PTPRD: variants seen among roughly 807,000 people sequenced by gnomAD.
PTPRD encodes receptor-type tyrosine-protein phosphatase delta.
In PTPRD, 34 loss-of-function variants were observed where a neutral mutation model predicts 214.5. That is an observed-to-expected ratio of 0.16 (90% CI 0.12 to 0.21). The LOEUF (loss-of-function observed/expected upper bound fraction) is 0.21, where lower values mean the gene tolerates loss of function less well. Among genes scored for constraint, PTPRD ranks in the 10% least tolerant of loss-of-function variants. The pLI, the probability that PTPRD is intolerant of heterozygous loss-of-function variation, is 1.00. For synonymous variants in PTPRD, 1,128 were observed against 845.7 expected, an observed-to-expected ratio of 1.33 and a Z score of -5.79; for missense variants, 2,545 against 2,398.7, an observed-to-expected ratio of 1.06 and a Z score of -1.27.
chr9:8,321,461 TTGTG>T (rs4008233), intron 44 of PTPRD, among the ~76,000 whole-genome samples: 868 of 86,056 alleles, frequency 0.01, 11 homozygotes, highest in African/African-American at 0.023. Flanking sequence ...GAAGTCTTCT[TTGTG>T]TGTGTGTGTG....
At chr9:10,202,671 G>GATATATATATATATAT (rs77962535) in intron 3 of PTPRD, among the ~76,000 whole-genome samples, 3,251 of 112,694 alleles carry the variant, frequency 0.029, 119 homozygotes, top group Non-Finnish European at 0.04. Flanking sequence ...AAATTATATG[G>GATATATATATATATAT]ATATATATAT....
chr9:8,967,840 T>C (rs1163940325), intron 11 of PTPRD, among the ~76,000 whole-genome samples: 1 of 152,042 alleles, frequency 6.6e-6, no homozygotes, highest in African/African-American at 2.4e-5. Flanking sequence ...GCCATGTTGG[T>C]GTGCTGCATC....
chr9:8,635,351 T>G (rs2154324532), intron 13 of PTPRD, among the ~76,000 whole-genome samples: 1 of 151,904 alleles, frequency 6.6e-6, no homozygotes, highest in Non-Finnish European at 1.5e-5. Flanking sequence ...TTTAAATTTT[T>G]TTAATGTGCA....
At chr9:8,460,624 G>C (rs2134167702) in intron 32 of PTPRD, 53 bp from the exon 33 acceptor site, 1 of 1,566,008 alleles carries the variant, frequency 6.4e-7, no homozygotes, top group Non-Finnish European at 8.7e-7. Flanking sequence ...TTCTAGATAA[G>C]TACCTTTAAC....
intron 8 of PTPRD, among the ~76,000 whole-genome samples, chr9:9,567,956 T>G (rs2154297831): frequency 6.6e-6 from 1 of 151,986 alleles, no homozygotes; most frequent in South Asian, 2.1e-4. Flanking sequence ...CCCCTTTTTT[T>G]TTCTACTGGG....
chr9:10,053,293 G>C (rs2097566330), intron 3 of PTPRD, among the ~76,000 whole-genome samples: 1 of 152,126 alleles, frequency 6.6e-6, no homozygotes, highest in South Asian at 2.1e-4. Context: ...AAAACACAAA[G>C]AAGCCCAATG....
intron 2 of PTPRD, among the ~76,000 whole-genome samples, chr9:10,459,846 T>A (rs533039484): frequency 6.6e-6 from 1 of 151,948 alleles, no homozygotes; most frequent in South Asian, 2.1e-4. Flanking sequence ...ATCAGTATTT[T>A]AATTAAATAT....
intron 30 of PTPRD, among the ~76,000 whole-genome samples, chr9:8,483,641 A>C (rs761622572): frequency 4.1e-4 from 63 of 152,062 alleles, no homozygotes; most frequent in Non-Finnish European, 8.2e-4. Context: ...AATCCCAGCT[A>C]CTCAGGAGGC....
chr9:8,855,249 G>T (rs553167146), intron 11 of PTPRD, among the ~76,000 whole-genome samples: 2 of 151,926 alleles, frequency 1.3e-5, no homozygotes, highest in East Asian at 3.9e-4. Flanking sequence ...AGCAGATGAG[G>T]GGATTCCAAT....
chr9:9,509,614 C>T (rs1197194306), intron 8 of PTPRD, among the ~76,000 whole-genome samples: 1 of 151,476 alleles, frequency 6.6e-6, no homozygotes, highest in African/African-American at 2.4e-5. Flanking sequence ...TTTAGACCAT[C>T]AAGGAGATAG....
At position 8,518,012 on chromosome 9, in the gene PTPRD, G is replaced by T. The variant is rs745328135; in HGVS notation, c.1379C>A (p.Thr460Asn). 1 of 1,614,176 alleles carries T rather than the reference G, an allele frequency of 6.2e-7. No individual in the cohort carries two copies. Among genetic ancestry groups the T allele is most frequent in the Non-Finnish European group, 8.5e-7 (1 of 1,180,018 alleles). The change falls in exon 21 of 46, where the codon ACT (threonine) becomes AAT (asparagine). Residue 460 changes from threonine (T) to asparagine (N), a missense_variant. Transcript: ENST00000381196. ...GYRVYYTMDP[T>N]QHVNNWMKHN... ...TTTCATCCAGTTGTTGACATGTTGAGTGGGATCCATTGTATAATAAACTCT... is the reference window on the plus strand; with the variant it reads ...TTTCATCCAGTTGTTGACATGTTGATTGGGATCCATTGTATAATAAACTCT...
At chr9:8,777,049 C>CTCAT (rs58533879) in intron 11 of PTPRD, among the ~76,000 whole-genome samples, 3 of 150,856 alleles carry the variant, frequency 2.0e-5, no homozygotes, top group South Asian at 2.1e-4. Context: ...GGCAGGATCA[C>CTCAT]GGCTCACTGC....
At chr9:9,534,725 A>G (rs988374067) in intron 8 of PTPRD, among the ~76,000 whole-genome samples, 5 of 152,088 alleles carry the variant, frequency 3.3e-5, no homozygotes, top group African/African-American at 1.2e-4. Context: ...GGTAGAGAAA[A>G]GTGGAAACCT....
intron 9 of PTPRD, among the ~76,000 whole-genome samples, chr9:9,188,585 G>A (rs1433610923): frequency 1.3e-5 from 2 of 152,030 alleles, no homozygotes; most frequent in Non-Finnish European, 2.9e-5. Context: ...GGGAGTGAAG[G>A]CTTGGACTAG....
At chr9:8,555,588 G>A (rs1037197057) in intron 14 of PTPRD, among the ~76,000 whole-genome samples, 5 of 152,206 alleles carry the variant, frequency 3.3e-5, no homozygotes, top group African/African-American at 1.2e-4. Flanking sequence ...AATGGCAGCA[G>A]TATCATCAGC....
At chr9:9,085,266 C>A (rs1201939871) in intron 10 of PTPRD, among the ~76,000 whole-genome samples, 2 of 152,052 alleles carry the variant, frequency 1.3e-5, no homozygotes, top group East Asian at 3.9e-4. Flanking sequence ...TTTATAACTA[C>A]CTATTTAGGA....
At chr9:10,326,960 G>T (rs1353920638) in intron 3 of PTPRD, among the ~76,000 whole-genome samples, 4 of 151,316 alleles carry the variant, frequency 2.6e-5, no homozygotes, top group Non-Finnish European at 1.5e-5. Context: ...TGAACACTTT[G>T]ATAGGAAACA....
At chr9:10,132,180 G>C (rs114182359) in intron 3 of PTPRD, among the ~76,000 whole-genome samples, 1 of 151,784 alleles carries the variant, frequency 6.6e-6, no homozygotes, top group Non-Finnish European at 1.5e-5. Flanking sequence ...AGATTATGAA[G>C]TTAAAAAAAA....
At chr9:8,717,253 T>C (rs1300836981) in intron 12 of PTPRD, among the ~76,000 whole-genome samples, 2 of 152,164 alleles carry the variant, frequency 1.3e-5, no homozygotes, top group Non-Finnish European at 2.9e-5. Context: ...TTAGGTGTGT[T>C]GGGGGGAGAA....
Sources: gnomAD v4.1 joint callset for allele counts (sites outside exome capture counted in the v4.1 genomes callset) on GRCh38, gnomAD v4.1.1 for gene constraint, MANE v1.5 for transcripts, NCBI Gene and HGNC (gene_info 2026-07-23, HGNC 2026-07-21) for gene names.